The following RCAN2 variants were observed in gnomAD, a reference collection of about 807,000 sequenced individuals.
The protein encoded by RCAN2 is calcipressin-2.
A neutral mutation model predicts 23.6 loss-of-function variants in RCAN2; 9 were observed. That is an observed-to-expected ratio of 0.38 (90% CI 0.23 to 0.67). The LOEUF is 0.67. Among genes scored for constraint, RCAN2 ranks in the 30% least tolerant of loss-of-function variants. RCAN2 has a pLI of 0.51. For synonymous variants in RCAN2, 109 were observed against 115.7 expected (o/e 0.94, Z 0.37); for missense variants, 273 against 302.3 (o/e 0.90, Z 0.72).
At chr6:46,452,117 T>C (rs1322119662) in intron 2 of RCAN2, among the ~76,000 whole-genome samples, 1 of 152,076 alleles carries the variant, frequency 6.6e-6, no homozygotes, top group Non-Finnish European at 1.5e-5. Context: ...CAGAACCAAA[T>C]ATCATACCAG....
intron 1 of RCAN2, among the ~76,000 whole-genome samples, chr6:46,462,133 T>C (rs953511829): frequency 6.2e-5 from 4 of 64,702 alleles, no homozygotes; most frequent in African/African-American, 1.2e-4. Context: ...AACCTCCAGC[T>C]TCAAACCTCC....
At chr6:46,248,509 G>T (rs947694676) in intron 3 of RCAN2, among the ~76,000 whole-genome samples, 6 of 151,996 alleles carry the variant, frequency 3.9e-5, no homozygotes, top group Admixed American at 3.3e-4. Context: ...CCCCAGTGAG[G>T]TTATGTAACT....
At chr6:46,240,222 A>G (rs565999076) in intron 4 of RCAN2, among the ~76,000 whole-genome samples, 15 of 152,302 alleles carry the variant, frequency 9.8e-5, no homozygotes, top group South Asian at 4.1e-4. Context: ...CCTATAAGAA[A>G]AAATGCAAGG....
chr6:46,352,396 A>T (rs1480937167), intron 2 of RCAN2, among the ~76,000 whole-genome samples: 3 of 152,174 alleles, frequency 2.0e-5, no homozygotes, highest in Non-Finnish European at 4.4e-5. Context: ...ATTTCCCTCC[A>T]TCCCACCCCG....
intron 2 of RCAN2, among the ~76,000 whole-genome samples, chr6:46,302,983 C>A (rs937841784): frequency 6.6e-6 from 1 of 151,916 alleles, no homozygotes; most frequent in Non-Finnish European, 1.5e-5. Context: ...TCAACCACTG[C>A]ATATACTGTT....
intron 2 of RCAN2, among the ~76,000 whole-genome samples, chr6:46,411,737 G>A (rs1219266458): frequency 1.3e-5 from 2 of 152,174 alleles, no homozygotes; most frequent in African/African-American, 4.8e-5. Context: ...TGAGTTAAAA[G>A]AAGTACCTAA....
chr6:46,304,152 T>C (rs1051790610), intron 2 of RCAN2, among the ~76,000 whole-genome samples: 2 of 152,154 alleles, frequency 1.3e-5, no homozygotes, highest in African/African-American at 2.4e-5. Flanking sequence ...GGGTGTGTAA[T>C]GGTGTTTAAT....
chr6:46,262,698 T>C (rs1767152719), intron 2 of RCAN2, among the ~76,000 whole-genome samples: 2 of 152,328 alleles, frequency 1.3e-5, no homozygotes, highest in East Asian at 3.9e-4. Flanking sequence ...AAGGCTCTGC[T>C]TGGCATTAAA....
intron 1 of RCAN2, among the ~76,000 whole-genome samples, chr6:46,477,485 T>C (rs1406438584): frequency 2.0e-5 from 3 of 152,184 alleles, no homozygotes; most frequent in African/African-American, 7.2e-5. Context: ...TGGCAAGCTA[T>C]TTAACTTCTT....
chr6:46,221,908 A>G lies in RCAN2; in HGVS notation c.*1233T>C, dbSNP rs1485698591. The stretch of plus-strand genomic sequence containing the variant: ...AGAAATAGAAAAATCACACGTAACA[A>G]AAACAAATAACTTTTTTGAGCACAC... On this transcript the variant is annotated 3_prime_UTR_variant, in exon 5 of 5. Transcript: ENST00000371374. 1.5e-5 allele frequency: 6 copies of G among 398,446 alleles called. No homozygotes were observed. The highest frequency in any genetic ancestry group is 1.2e-4 in the African/African-American group (6 of 48,634). 24.7% of individuals were successfully genotyped at this position (398,446 alleles called of 1,614,324 possible).
intron 2 of RCAN2, among the ~76,000 whole-genome samples, chr6:46,440,087 T>C (rs1452692044): frequency 1.3e-5 from 2 of 152,170 alleles, no homozygotes; most frequent in Non-Finnish European, 2.9e-5. Context: ...CATCTTCCCA[T>C]GAAATAATGT....
chr6:46,384,436 G>A (rs1002648227), intron 2 of RCAN2, among the ~76,000 whole-genome samples: 1 of 152,192 alleles, frequency 6.6e-6, no homozygotes, highest in Non-Finnish European at 1.5e-5. Flanking sequence ...AAATTTTGAA[G>A]GTGTTCATAT....
intron 2 of RCAN2, among the ~76,000 whole-genome samples, chr6:46,286,740 C>T (rs1447016695): frequency 1.9e-4 from 29 of 152,098 alleles, no homozygotes; most frequent in Admixed American, 1.6e-3. Context: ...TGGTGGCTCA[C>T]GCCTGTAATC....
chr6:46,422,378 A>G (rs931678588), intron 2 of RCAN2, among the ~76,000 whole-genome samples: 7 of 152,182 alleles, frequency 4.6e-5, no homozygotes, highest in Non-Finnish European at 1.0e-4. Context: ...CTGCAGAACA[A>G]CAAATAAACC....
At chr6:46,278,901 C>A (rs182751677) in intron 2 of RCAN2, among the ~76,000 whole-genome samples, 1 of 152,302 alleles carries the variant, frequency 6.6e-6, no homozygotes, top group Admixed American at 6.5e-5. Context: ...AAATTCTACT[C>A]CTTAACTGCA....
chr6:46,224,519 A>C (rs1765582812), intron 4 of RCAN2, among the ~76,000 whole-genome samples: 1 of 152,096 alleles, frequency 6.6e-6, no homozygotes, highest in Non-Finnish European at 1.5e-5. Flanking sequence ...GCCCCTAATC[A>C]TGACAGCTAC....
Position 46,345,181 on chromosome 6 carries a change from A to T in RCAN2, c.226-96285T>A, listed in dbSNP as rs77201239. The stretch of plus-strand genomic sequence containing the variant: ...AGAAATTAGGATGTAGATATTTTAT[A>T]ATTTTCATATCAAGAAAATGTAACA... On this transcript the variant is annotated intron_variant, in intron 2 of 4. Transcript: ENST00000371374. Among the ~76,000 whole-genome samples, 39 of 152,236 alleles carry T rather than the reference A, an allele frequency of 2.6e-4. No individual in the cohort carries two copies. In the East Asian group the frequency reaches 7.3e-3, roughly 29 times the overall value.
At chr6:46,289,419 C>T (rs1182745399) in intron 2 of RCAN2, among the ~76,000 whole-genome samples, 1 of 152,070 alleles carries the variant, frequency 6.6e-6, no homozygotes, top group Non-Finnish European at 1.5e-5. Context: ...TACTGTAGAC[C>T]CTATGGAATG....
intron 4 of RCAN2, among the ~76,000 whole-genome samples, chr6:46,245,881 T>G (rs1766494241): frequency 6.6e-6 from 1 of 152,142 alleles, no homozygotes; most frequent in Non-Finnish European, 1.5e-5. Flanking sequence ...CAATTCACAG[T>G]GCTAAAAATC....
Sources: allele counts gnomAD v4.1 joint callset (sites outside exome capture counted in the v4.1 genomes callset), GRCh38; gene constraint gnomAD v4.1.1; transcripts MANE v1.5; gene names NCBI Gene and HGNC (gene_info 2026-07-23, HGNC 2026-07-21).